OSBPL7: variants seen among roughly 807,000 people sequenced by gnomAD.
OSBPL7 encodes oxysterol binding protein like 7.
A neutral mutation model predicts 115.8 loss-of-function variants in OSBPL7; 66 were observed. The ratio of observed to expected loss-of-function variants is 0.57; its 90% CI spans 0.47 to 0.70. OSBPL7 has a LOEUF of 0.70. OSBPL7 is among the 30% of genes least tolerant of loss of function. OSBPL7 has a pLI of 0.00. For synonymous variants in OSBPL7, 441 were observed against 439.2 expected (o/e 1.00, Z -0.05); for missense variants, 902 against 1,125.5 (o/e 0.80, Z 2.84).
At chr17:47,814,762 T>G in intron 13 of OSBPL7, 148 bp from the exon 14 acceptor site, 1 of 672,424 alleles carries the variant, frequency 1.5e-6, no homozygotes, top group Non-Finnish European at 2.5e-6. Context: ...CCTAAGACAT[T>G]GCCCCGGGAT....
intron 12 of OSBPL7, 200 bp from the exon 13 acceptor site, chr17:47,815,552 G>A: frequency 1.6e-6 from 1 of 632,288 alleles, no homozygotes; most frequent in East Asian, 2.8e-5. Context: ...GCCTGGGAGT[G>A]AGGGGACGCA....
chr17:47,819,177 G>C (rs779173617), intron 4 of OSBPL7, 78 bp from the exon 5 acceptor site: 10 of 1,209,298 alleles, frequency 8.3e-6, no homozygotes, highest in Non-Finnish European at 1.2e-5. Context: ...TCTCCCTGAT[G>C]CCATTCTAGG....
intron 14 of OSBPL7, 82 bp from the exon 15 acceptor site, chr17:47,813,916 C>A: frequency 6.7e-7 from 1 of 1,482,448 alleles, no homozygotes; most frequent in Non-Finnish European, 9.0e-7. Context: ...GTCCAGGGCC[C>A]AGCTGCCTCC....
intron 8 of OSBPL7, 74 bp downstream of exon 8, chr17:47,817,182 G>T: frequency 8.2e-7 from 1 of 1,216,334 alleles, no homozygotes; most frequent in Non-Finnish European, 1.2e-6. Flanking sequence ...GATGTAGGAG[G>T]AATAGGACCC....
chr17:47,816,599 G>A lies in OSBPL7; in HGVS notation c.892C>T (p.His298Tyr), dbSNP rs779187257. ...AGGGCCCAGAAGCTGCGCTGCAGGTGGGCATAGTCTGTGGGTGGCAGCCCA... is the reference window on the plus strand; with the variant it reads ...AGGGCCCAGAAGCTGCGCTGCAGGTAGGCATAGTCTGTGGGTGGCAGCCCA... Reference protein sequence around the residue: ...TRGLPPTDYAHLQRSFWALAQ... With the variant: ...TRGLPPTDYAYLQRSFWALAQ... The change falls in exon 10 of 23, where the codon CAC becomes TAC. Residue 298 changes from histidine (H) to tyrosine (Y), a missense_variant. Coordinates refer to ENST00000007414, the MANE Select transcript of OSBPL7 (RefSeq NM_145798.3). The surrounding 1 kb of genome is among the most constrained non-coding windows in gnomAD (Gnocchi z 5.8). 5.6e-6 allele frequency: 9 copies of A among 1,613,454 alleles called. No homozygotes were observed. Among genetic ancestry groups the A allele is most frequent in the African/African-American group, 1.3e-5 (1 of 74,914 alleles).
In OSBPL7 at chr17:47,808,431, G is replaced by T. The variant is rs1040370460; in HGVS notation, c.2421-32C>A. On this transcript the variant is annotated intron_variant, in intron 22 of 22. Transcript: ENST00000007414. The surrounding 1 kb of genome is among the most constrained non-coding windows in gnomAD (Gnocchi z 6.1). ...GGAGAAGGCGGTGGCAGTGAGGGGT[G>T]AACATCTAGAAGGCAGGCTAGGGTC... 2 of 1,613,678 alleles carry T rather than the reference G, an allele frequency of 1.2e-6. No individual in the cohort carries two copies. Among genetic ancestry groups the T allele is most frequent in the Non-Finnish European group, 1.7e-6 (2 of 1,179,694 alleles).
Position 47,818,305 on chromosome 17 carries a change from G to C in OSBPL7, c.562C>G (p.Leu188Val). 9 of 1,614,016 alleles carry C rather than the reference G, an allele frequency of 5.6e-6. No homozygotes were observed. The highest frequency in any genetic ancestry group is 2.7e-5 in the African/African-American group (2 of 75,054). Residue 188 changes from leucine (L) to valine (V), a missense_variant, in exon 7 of 23, where the codon CTG (leucine) becomes GTG (valine). Physicochemically the swap from Leu to Val is conservative, Grantham distance 32 (BLOSUM62 1). Around this residue, in one of 3 missense-constraint regions of OSBPL7, gnomAD observed 667 missense variants for 788.7 expected, o/e 0.85. Coordinates refer to ENST00000007414, the MANE Select transcript of OSBPL7 (RefSeq NM_145798.3). ...LGPREKVSSW[L>V]RDSDGLDRCS... is the part of the protein sequence containing the mutation. ...CGGTCCAGCCCATCACTGTCCCTCA[G>C]CCAGGAAGACACTTTCTCCCGCGGT...
At chr17:47,819,924 C>CAA in intron 3 of OSBPL7, 47 bp downstream of exon 3, 17 of 1,528,394 alleles carry the variant, frequency 1.1e-5, no homozygotes, top group Non-Finnish European at 1.5e-5. Context: ...CCCCCATTCC[C>CAA]ACCCCGCCCC....
In OSBPL7 at chr17:47,808,590, T is replaced by C; in HGVS notation, c.2368A>G (p.Arg790Gly). 1 of 1,614,230 alleles carries C rather than the reference T, an allele frequency of 6.2e-7. No individual in the cohort carries two copies. Among genetic ancestry groups the C allele is most frequent in the Middle Eastern group, 1.6e-4 (1 of 6,062 alleles). ...KRRIEQLQRDRRKVMEENNIV... is the reference protein window; with the variant it reads ...KRRIEQLQRDGRKVMEENNIV... ...TTGTTTTCCTCCATGACTTTGCGCCTGTCTCGCTGCAGCTGCTCGATCCTT... is the reference window on the plus strand; with the variant it reads ...TTGTTTTCCTCCATGACTTTGCGCCCGTCTCGCTGCAGCTGCTCGATCCTT... The change falls in exon 22 of 23, where the codon AGG (arginine) becomes GGG (glycine). Residue 790 changes from arginine (R) to glycine (G), a missense_variant. This residue lies in a region of OSBPL7 where 230 missense variants were observed against 312.7 expected (regional missense o/e 0.74). Coordinates refer to ENST00000007414, the MANE Select transcript of OSBPL7 (RefSeq NM_145798.3). The surrounding 1 kb of genome is among the most constrained non-coding windows in gnomAD (Gnocchi z 6.1).
At chr17:47,813,982 G>A in intron 14 of OSBPL7, 148 bp from the exon 15 acceptor site, 1 of 1,142,738 alleles carries the variant, frequency 8.8e-7, no homozygotes. Context: ...GCAGGGCAGG[G>A]TGACTGGGGC....
Position 47,816,289 on chromosome 17 carries a change from C to A in OSBPL7, c.1024-87G>T. On this transcript the variant is annotated intron_variant, in intron 11 of 22. Transcript: ENST00000007414. This position sits in a 1 kb window ranked among gnomAD's most constrained non-coding sequence, Gnocchi z 5.8. ...TCTCTGCAGAGACTGCCTCTGCCAA[C>A]CCCCCACCCTGACCCAGATCTGCTA... 1.3e-6 allele frequency: 2 copies of A among 1,489,068 alleles called. No individual in the cohort carries two copies. Among genetic ancestry groups the A allele is most frequent in the Non-Finnish European group, 1.8e-6 (2 of 1,104,782 alleles). The allele number at this position is 1,489,068 out of a possible 1,614,324, so 92.2% of individuals were successfully genotyped here. A position where few individuals can be genotyped will look rare whatever the true frequency, so the allele number is the denominator to read the frequency against.
chr17:47,816,231 C>T lies in OSBPL7; in HGVS notation c.1024-29G>A, dbSNP rs200182495. ...CAGGGAGAGGGTGAGGGACACGGTG[C>T]CAGGAGGATGAGGTCCTCCCCACCT... On this transcript the variant is annotated intron_variant, in intron 11 of 22. Coordinates refer to ENST00000007414, the MANE Select transcript of OSBPL7 (RefSeq NM_145798.3). This position sits in a 1 kb window ranked among gnomAD's most constrained non-coding sequence, Gnocchi z 5.8. 5.8e-6 allele frequency: 9 copies of T among 1,538,888 alleles called. No individual in the cohort carries two copies. The East Asian group carries it at 2.0e-4, about 33-fold the overall frequency.
intron 5 of OSBPL7, 47 bp downstream of exon 5, chr17:47,818,939 C>T: frequency 6.6e-7 from 1 of 1,510,318 alleles, no homozygotes; most frequent in South Asian, 1.1e-5. Context: ...TCCAATGCCT[C>T]TGTCAGGTTG....
At position 47,807,887 on chromosome 17, in the gene OSBPL7, G is replaced by A. The variant is rs1019281803; in HGVS notation, c.*404C>T. ...CTCCTTCACTCACTGCAACCTCACC[G>A]CTGGGGACAGAGGCCTGGGCACAGA... On this transcript the variant is annotated 3_prime_UTR_variant, in exon 23 of 23. Transcript: ENST00000007414. 10 of 214,746 alleles carry A rather than the reference G, an allele frequency of 4.7e-5. No homozygotes were observed. In the East Asian group the frequency reaches 9.9e-4, roughly 21 times the overall value. The allele number at this position is 214,746 out of a possible 1,614,324, so 13.3% of individuals were successfully genotyped here.
rs201095983 is a variant in OSBPL7 at position 47,816,516 on chromosome 17, G to A, written c.929-34C>T. The stretch of plus-strand genomic sequence containing the variant: ...AGTGGGGCAGACCATCAGAGTCCTC[G>A]CTCGCTCCTGTCCGCTCCCCACCAG... On this transcript the variant is annotated intron_variant, in intron 10 of 22. Transcript: ENST00000007414. This position sits in a 1 kb window ranked among gnomAD's most constrained non-coding sequence, Gnocchi z 5.8. 50 of 1,569,732 alleles carry A rather than the reference G, an allele frequency of 3.2e-5. No homozygotes were observed. In the Admixed American group the frequency reaches 5.8e-4, roughly 18 times the overall value.
Position 47,816,515 on chromosome 17 carries a change from C to A in OSBPL7, c.929-33G>T, listed in dbSNP as rs1469153795. The A allele has an allele frequency of 3.2e-6, 5 of 1,567,344 alleles. No individual in the cohort carries two copies. The highest frequency in any genetic ancestry group is 1.4e-5 in the African/African-American group (1 of 73,722). On this transcript the variant is annotated intron_variant, in intron 10 of 22. Transcript: ENST00000007414. The surrounding 1 kb of genome is among the most constrained non-coding windows in gnomAD (Gnocchi z 5.8). Reference sequence around the variant, plus strand: ...GAGTGGGGCAGACCATCAGAGTCCTCGCTCGCTCCTGTCCGCTCCCCACCA... The same window carrying A: ...GAGTGGGGCAGACCATCAGAGTCCTAGCTCGCTCCTGTCCGCTCCCCACCA...
chr17:47,815,341 C>A lies in OSBPL7; in HGVS notation c.1131G>T (p.Leu377=). The change falls in exon 13 of 23, where the codon CTG becomes CTT. Residue 377 remains leucine (L), a synonymous_variant. Coordinates refer to ENST00000007414, the MANE Select transcript of OSBPL7 (RefSeq NM_145798.3). ...SSLNPEEQEA[L]YMKGRELTPQ... ...GGGTGAGCTCGCGCCCCTTCATGTA[C>A]AGAGCTTCTTGCTGTGGGAGCAGCC... is the stretch of plus-strand genomic sequence containing the variant. The A allele has an allele frequency of 1.2e-6, 2 of 1,613,700 alleles. No homozygotes were observed. The highest frequency in any genetic ancestry group is 1.7e-4 in the Middle Eastern group (1 of 6,058).
rs1185474959 is a variant in OSBPL7, at chr17:47,820,181, C to T, written c.75+23G>A. The T allele has an allele frequency of 3.1e-6, 5 of 1,613,808 alleles. No homozygotes were observed. The African/African-American group carries it at 5.3e-5, about 17-fold the overall frequency. On this transcript the variant is annotated intron_variant, in intron 2 of 22. Coordinates refer to ENST00000007414, the MANE Select transcript of OSBPL7 (RefSeq NM_145798.3). ...GTCTGGTTCCAGCTTGGCCCACCCA[C>T]CACCGCTTTCCCACTCTCTGACCTG...
Position 47,808,733 on chromosome 17 carries a change from C to T in OSBPL7, c.2298-73G>A. The T allele has an allele frequency of 6.2e-7, 1 of 1,606,770 alleles. No homozygotes were observed. The highest frequency in any genetic ancestry group is 8.5e-7 in the Non-Finnish European group (1 of 1,176,298). Reference sequence around the variant, plus strand: ...CCCAAACCCAAGGCCTCTGTCTCTGCCCAACTCTGTCCTCTAGACAAGCCC... The same window carrying T: ...CCCAAACCCAAGGCCTCTGTCTCTGTCCAACTCTGTCCTCTAGACAAGCCC... On this transcript the variant is annotated intron_variant, in intron 21 of 22. Transcript: ENST00000007414. This position sits in a 1 kb window ranked among gnomAD's most constrained non-coding sequence, Gnocchi z 6.1.
Sources: allele counts gnomAD v4.1 joint callset, GRCh38; gene constraint gnomAD v4.1.1; regional missense constraint gnomAD v4.1.1; non-coding constraint Gnocchi (gnomAD v3.1); transcripts MANE v1.5; gene names NCBI Gene and HGNC (gene_info 2026-07-23, HGNC 2026-07-21).